The following CNTNAP2 variants were observed in gnomAD, a reference collection of about 807,000 sequenced individuals.
CNTNAP2 encodes contactin associated protein 2.
In CNTNAP2, 98 loss-of-function variants were observed where a neutral mutation model predicts 155.2. The observed-to-expected ratio is 0.63, with a 90% confidence interval of 0.54 to 0.75. The LOEUF is 0.75. Ranked by LOEUF, CNTNAP2 falls within the 30% of genes least tolerant of loss-of-function variation. CNTNAP2 has a pLI of 0.00. For synonymous variants in CNTNAP2, 651 were observed against 631.2 expected, an observed-to-expected ratio of 1.03 and a Z score of -0.47; for missense variants, 1,727 against 1,688.1, an observed-to-expected ratio of 1.02 and a Z score of -0.40.
chr7:146,881,303 C>T (rs576068903), intron 3 of CNTNAP2, among the ~76,000 whole-genome samples: 1 of 152,134 alleles, frequency 6.6e-6, no homozygotes, highest in Non-Finnish European at 1.5e-5. Flanking sequence ...TTTGTAAAAG[C>T]AGGTTATAGA....
At chr7:147,283,961 C>A (rs1805114033) in intron 8 of CNTNAP2, among the ~76,000 whole-genome samples, 1 of 151,570 alleles carries the variant, frequency 6.6e-6, no homozygotes, top group Admixed American at 6.6e-5. Context: ...TACTAAGATA[C>A]AATATTCAAG....
At chr7:146,180,112 C>T (rs1167972736) in intron 1 of CNTNAP2, among the ~76,000 whole-genome samples, 1 of 152,066 alleles carries the variant, frequency 6.6e-6, no homozygotes, top group African/African-American at 2.4e-5. Context: ...ACAGGAGAAA[C>T]ACCCTCAGGG....
At position 146,449,723 on chromosome 7, in the gene CNTNAP2, A is replaced by G. The variant is rs557162109; in HGVS notation, c.98-324548A>G. Among the ~76,000 whole-genome samples the G allele has an allele frequency of 3.3e-4, 50 of 152,294 alleles. 2 individuals are homozygous for G. The South Asian group carries it at 7.5e-3, about 23-fold the overall frequency. On this transcript the variant is annotated intron_variant, in intron 1 of 23. Coordinates refer to ENST00000361727, the MANE Select transcript of CNTNAP2 (RefSeq NM_014141.6). ...GATGGCACCTTAGACAGAATTTTGC[A>G]TATTTCATGAATGCCCCTAATATTA...
chr7:147,747,880 A>G (rs1797070575), intron 13 of CNTNAP2, among the ~76,000 whole-genome samples: 1 of 152,208 alleles, frequency 6.6e-6, no homozygotes, highest in Non-Finnish European at 1.5e-5. Context: ...CCTTGAGAGC[A>G]ATTAATTACT....
In CNTNAP2 at chr7:148,096,980, G is replaced by A. The variant is rs1018679368; in HGVS notation, c.2384-21138G>A. Among the ~76,000 whole-genome samples the A allele has an allele frequency of 3.3e-5, 5 of 152,118 alleles. No homozygotes were observed. The East Asian group carries it at 9.6e-4, about 29-fold the overall frequency. ...CCTTCCTATAATATAAAGCTACTTGGAGATATTAGAGCTAGTGAATGCCTT... is the reference window on the plus strand; with the variant it reads ...CCTTCCTATAATATAAAGCTACTTGAAGATATTAGAGCTAGTGAATGCCTT... On this transcript the variant is annotated intron_variant, in intron 15 of 23. Transcript: ENST00000361727.
At chr7:148,042,699 A>G (rs191166629) in intron 15 of CNTNAP2, among the ~76,000 whole-genome samples, 73 of 152,350 alleles carry the variant, frequency 4.8e-4, no homozygotes, top group Middle Eastern at 3.4e-3. Context: ...TGCCTGGCCC[A>G]GCTGACTGTT....
At chr7:146,577,115 A>C (rs192782287) in intron 1 of CNTNAP2, among the ~76,000 whole-genome samples, 11 of 152,260 alleles carry the variant, frequency 7.2e-5, no homozygotes, top group African/African-American at 2.2e-4. Flanking sequence ...TTCTTATTAC[A>C]TTATTTTTAT....
At chr7:148,243,534 G>A (rs1250798981) in intron 20 of CNTNAP2, among the ~76,000 whole-genome samples, 2 of 152,180 alleles carry the variant, frequency 1.3e-5, no homozygotes, top group Admixed American at 6.5e-5. Context: ...GCAAGGAGGA[G>A]CAAGTCACAT....
chr7:148,389,440 C>T lies in CNTNAP2; in HGVS notation c.3715+5552C>T, dbSNP rs545065261. ...GCCTTCCACCATGATTGTGAGGCCTCGCCAGCCGTGTGGAACTGGGAGTCC... is the reference window on the plus strand; with the variant it reads ...GCCTTCCACCATGATTGTGAGGCCTTGCCAGCCGTGTGGAACTGGGAGTCC... On this transcript the variant is annotated intron_variant, in intron 22 of 23. Coordinates refer to ENST00000361727, the MANE Select transcript of CNTNAP2 (RefSeq NM_014141.6). 7.2e-5 allele frequency among the ~76,000 whole-genome samples: 11 copies of T among 152,264 alleles called. No individual in the cohort carries two copies. The South Asian group carries it at 1.2e-3, about 17-fold the overall frequency.
chr7:147,423,137 T>C (rs1797323362), intron 10 of CNTNAP2, among the ~76,000 whole-genome samples: 1 of 152,184 alleles, frequency 6.6e-6, no homozygotes, highest in South Asian at 2.1e-4. Context: ...ATATAAGGAC[T>C]TCTTTTAATT....
chr7:146,793,311 T>A (rs1425435503), intron 2 of CNTNAP2, among the ~76,000 whole-genome samples: 2 of 152,208 alleles, frequency 1.3e-5, no homozygotes, highest in Non-Finnish European at 2.9e-5. Context: ...ACATTTAAAT[T>A]ATTTAAAATA....
chr7:147,737,039 G>A (rs1350863743), intron 13 of CNTNAP2, among the ~76,000 whole-genome samples: 10 of 152,184 alleles, frequency 6.6e-5, no homozygotes, highest in African/African-American at 1.9e-4. Context: ...GTCATTCTCT[G>A]TCCAGCTTTG....
At chr7:147,317,798 GTATA>G (rs796634955) in intron 9 of CNTNAP2, among the ~76,000 whole-genome samples, 2 of 85,328 alleles carry the variant, frequency 2.3e-5, no homozygotes, top group East Asian at 1.6e-3. Context: ...GTGTGTGTGT[GTATA>G]TGTATATATA....
intron 12 of CNTNAP2, among the ~76,000 whole-genome samples, chr7:147,611,363 C>A (rs1473045175): frequency 6.6e-6 from 1 of 152,168 alleles, no homozygotes; most frequent in East Asian, 1.9e-4. Flanking sequence ...AAACCACATC[C>A]CTACCCAGTG....
chr7:148,194,057 A>C, intron 18 of CNTNAP2, among the ~76,000 whole-genome samples: 1 of 150,290 alleles, frequency 6.7e-6, no homozygotes, highest in Non-Finnish European at 1.5e-5. Flanking sequence ...TGCAGCCTTG[A>C]CTTCCTGGGC....
At chr7:148,146,095 A>G (rs1256219721) in intron 16 of CNTNAP2, among the ~76,000 whole-genome samples, 1 of 152,196 alleles carries the variant, frequency 6.6e-6, no homozygotes, top group Non-Finnish European at 1.5e-5. Context: ...CTAAATTAGA[A>G]GTTTGATTGC....
intron 4 of CNTNAP2, among the ~76,000 whole-genome samples, chr7:147,105,521 C>T (rs1050637264): frequency 6.6e-6 from 1 of 151,970 alleles, no homozygotes; most frequent in Non-Finnish European, 1.5e-5. Flanking sequence ...AAATTTTAAT[C>T]TATTTTTGTA....
intron 1 of CNTNAP2, among the ~76,000 whole-genome samples, chr7:146,674,216 A>G (rs577741689): frequency 9.8e-5 from 15 of 152,294 alleles, no homozygotes; most frequent in Non-Finnish European, 2.2e-4. Context: ...CTCTTTCAAG[A>G]CCTCAGAACT....
chr7:147,939,958 A>G (rs780438212), intron 14 of CNTNAP2: 1 of 152,052 alleles, frequency 6.6e-6, no homozygotes, highest in Non-Finnish European at 1.5e-5. Flanking sequence ...TTTCCATGCA[A>G]TTGTTTCAAA....
Sources: allele counts gnomAD v4.1 joint callset (sites outside exome capture counted in the v4.1 genomes callset), GRCh38; gene constraint gnomAD v4.1.1; transcripts MANE v1.5; gene names NCBI Gene and HGNC (gene_info 2026-07-23, HGNC 2026-07-21).